Variants in CPS1 observed in about 807,000 individuals in gnomAD.
The protein encoded by CPS1 is carbamoyl-phosphate synthase 1, also known as carbamoyl-phosphate synthase [ammonia], mitochondrial.
A neutral mutation model predicts 174.6 loss-of-function variants in CPS1; 109 were observed. That is an observed-to-expected ratio of 0.62 (90% CI 0.53 to 0.73). The LOEUF (loss-of-function observed/expected upper bound fraction) is 0.73, where lower values mean the gene tolerates loss of function less well. Ranked by LOEUF, CPS1 falls within the 30% of genes least tolerant of loss-of-function variation. The pLI is 0.00. For missense variants in CPS1, 1,689 were observed against 1,821.9 expected (o/e 0.93, Z 1.33); for synonymous variants, 637 against 632.0 (o/e 1.01, Z -0.12).
Position 210,582,727 on chromosome 2 carries a change from A to G in CPS1, c.621+18A>G. 9 of 1,579,636 alleles carry G rather than the reference A, an allele frequency of 5.7e-6. No homozygotes were observed. Among genetic ancestry groups the G allele is most frequent in the Non-Finnish European group, 7.8e-6 (9 of 1,148,918 alleles). On this transcript the variant is annotated intron_variant, in intron 6 of 37. Coordinates refer to ENST00000233072, the MANE Select transcript of CPS1 (RefSeq NM_001875.5). ...CAACCAAGGTGAGGGGTTTTCCTTT[A>G]TATTTTGTAGTTTTATTTGATCCCA...
At chr2:210,645,012 T>C (rs1345531817) in intron 25 of CPS1, among the ~76,000 whole-genome samples, 1 of 152,232 alleles carries the variant, frequency 6.6e-6, no homozygotes, top group African/African-American at 2.4e-5. Flanking sequence ...TATTCAGGCC[T>C]GATGGCTATG....
intron 16 of CPS1, among the ~76,000 whole-genome samples, chr2:210,603,143 G>A (rs1162106738): frequency 4.0e-5 from 6 of 151,874 alleles, no homozygotes; most frequent in East Asian, 1.9e-4. Flanking sequence ...ATGATTACAC[G>A]TGCAGCCAAG....
In CPS1 at chr2:210,663,109, T is replaced by C; in HGVS notation, c.3928-14T>C. Reference sequence around the variant, plus strand: ...TCACATAATTTTTCTCCCTGTTTTTTTTTTTTCCAACAGGCTCCCATGTTT... The same window carrying C: ...TCACATAATTTTTCTCCCTGTTTTTCTTTTTTCCAACAGGCTCCCATGTTT... On this transcript the variant is annotated splice_polypyrimidine_tract_variant and intron_variant, in intron 32 of 37. Transcript: ENST00000233072. The C allele has an allele frequency of 6.2e-7, 1 of 1,613,758 alleles. No homozygotes were observed. Among genetic ancestry groups the C allele is most frequent in the Admixed American group, 1.7e-5 (1 of 60,010 alleles).
At chr2:210,591,696 C>T (rs1418307174) in intron 9 of CPS1, 135 bp from the exon 10 acceptor site, 1 of 899,250 alleles carries the variant, frequency 1.1e-6, no homozygotes, top group Non-Finnish European at 1.7e-6. Context: ...ACTTTTCTCA[C>T]AGAGTGATTT....
intron 1 of CPS1, among the ~76,000 whole-genome samples, chr2:210,530,543 C>G (rs1696090318): frequency 6.6e-6 from 1 of 152,054 alleles, no homozygotes; most frequent in African/African-American, 2.4e-5. Flanking sequence ...GTTTTCAACA[C>G]TGTAAACTCA....
In CPS1 at chr2:210,646,304, GT is replaced by G. The variant is rs1377481314; in HGVS notation, c.3142-1554del. 9.2e-5 allele frequency among the ~76,000 whole-genome samples: 14 copies of G among 151,948 alleles called. 1 individual carries two copies. Among genetic ancestry groups the G allele is most frequent in the Admixed American group, 9.2e-4 (14 of 15,252 alleles). On this transcript the variant is annotated intron_variant, in intron 25 of 37. Transcript: ENST00000233072. ...TTATAGCCAAGAGAGTATTTTAAAG[GT>G]TTTTGCAAAAATTTATATTGAACAT...
At chr2:210,630,112 A>T (rs2105886357) in intron 21 of CPS1, among the ~76,000 whole-genome samples, 1 of 151,382 alleles carries the variant, frequency 6.6e-6, no homozygotes, top group Non-Finnish European at 1.5e-5. Context: ...AAACAAAACC[A>T]TGAAAAAACA....
In CPS1 at chr2:210,486,574, G is replaced by A. The variant is rs564046934; in HGVS notation, c.3+8808G>A. 2.6e-5 allele frequency among the ~76,000 whole-genome samples: 4 copies of A among 152,226 alleles called. No homozygotes were observed. In the South Asian group the frequency reaches 8.3e-4, roughly 32 times the overall value. ...TGCCCAGGCTGGAGTGCAATGGTGCGATCGCGGCTTACCGCAACCTCCGCC... is the reference window on the plus strand; with the variant it reads ...TGCCCAGGCTGGAGTGCAATGGTGCAATCGCGGCTTACCGCAACCTCCGCC... On this transcript the variant is annotated intron_variant, in intron 1 of 38. Transcript: ENST00000430249.
intron 1 of CPS1, among the ~76,000 whole-genome samples, chr2:210,478,936 CCCTT>C (rs1559727493): frequency 2.8e-5 from 1 of 35,216 alleles, no homozygotes. Flanking sequence ...CTTCCCCCCT[CCCTT>C]CCCTCCCTCC....
intron 1 of CPS1, among the ~76,000 whole-genome samples, chr2:210,550,699 A>G (rs116266607): frequency 0.015 from 2,211 of 152,054 alleles, 27 homozygotes; most frequent in Non-Finnish European, 0.022. Context: ...CAAGTGGTGT[A>G]CATATTTATA....
At chr2:210,498,309 CA>C (rs1460248185) in intron 1 of CPS1, among the ~76,000 whole-genome samples, 2 of 151,988 alleles carry the variant, frequency 1.3e-5, no homozygotes, top group Admixed American at 6.6e-5. Flanking sequence ...TGGTTTGTGT[CA>C]TCTATTATTT....
chr2:210,650,846 T>G lies in CPS1; in HGVS notation c.3480+408T>G, dbSNP rs77284455. On this transcript the variant is annotated intron_variant, in intron 28 of 37. Coordinates refer to ENST00000233072, the MANE Select transcript of CPS1 (RefSeq NM_001875.5). ...CACCATTAACAAGTGAAAGCTTTCC[T>G]GATTTTTAATTTTCACATCTGGGAA... is the stretch of plus-strand genomic sequence containing the variant. Among the ~76,000 whole-genome samples the G allele has an allele frequency of 5.8e-3, 856 of 147,318 alleles. 7 individuals carry two copies. The highest frequency in any genetic ancestry group is 0.02 in the African/African-American group (817 of 40,004).
intron 1 of CPS1, among the ~76,000 whole-genome samples, chr2:210,478,248 C>G (rs1694459200): frequency 6.6e-6 from 1 of 152,182 alleles, no homozygotes; most frequent in African/African-American, 2.4e-5. Flanking sequence ...TCCAACATAT[C>G]AATTGTTTCT....
intron 37 of CPS1, 91 bp downstream of exon 37, chr2:210,677,227 T>C: frequency 7.9e-7 from 1 of 1,272,826 alleles, no homozygotes; most frequent in Non-Finnish European, 1.1e-6. Flanking sequence ...ATCTCTCTTT[T>C]CCCCTCTTTG....
At position 210,650,457 on chromosome 2, in the gene CPS1, G is replaced by A. The variant is rs1700525559; in HGVS notation, c.3480+19G>A. ...TTCTCAGGTAGTGTCCAATTTCTTT[G>A]TAGTGACTGTTATCTCTTAATAAAC... On this transcript the variant is annotated intron_variant, in intron 28 of 37. Coordinates refer to ENST00000233072, the MANE Select transcript of CPS1 (RefSeq NM_001875.5). 2 of 1,530,076 alleles carry A rather than the reference G, an allele frequency of 1.3e-6. No individual in the cohort carries two copies. The highest frequency in any genetic ancestry group is 1.7e-5 in the Admixed American group (1 of 59,798). 94.8% of individuals were successfully genotyped at this position (1,530,076 alleles called of 1,614,324 possible). A position where few individuals can be genotyped will look rare whatever the true frequency, so the allele number is the denominator to read the frequency against.
intron 21 of CPS1, among the ~76,000 whole-genome samples, chr2:210,632,933 G>A (rs1347804043): frequency 6.6e-6 from 1 of 152,080 alleles, no homozygotes; most frequent in African/African-American, 2.4e-5. Flanking sequence ...ATTGTATTCT[G>A]TTATTGATCT....
chr2:210,676,898 C>G, intron 36 of CPS1, 109 bp from the exon 37 acceptor site: 2 of 1,002,572 alleles, frequency 2.0e-6, no homozygotes, highest in Non-Finnish European at 3.1e-6. Flanking sequence ...TGGCAGTCAA[C>G]TCAGCATGGC....
intron 21 of CPS1, chr2:210,618,134 A>T (rs1699374573): frequency 6.6e-6 from 1 of 152,058 alleles, no homozygotes; most frequent in Non-Finnish European, 1.5e-5. Context: ...ATTGATAGTG[A>T]AAAAGGTCCT....
chr2:210,605,330 C>G, intron 17 of CPS1, 84 bp downstream of exon 17: 1 of 1,421,460 alleles, frequency 7.0e-7, no homozygotes, highest in Non-Finnish European at 9.9e-7. Flanking sequence ...AAGTTGTTGC[C>G]TTTAAATTAC....
Sources: allele counts gnomAD v4.1 joint callset (sites outside exome capture counted in the v4.1 genomes callset), GRCh38; gene constraint gnomAD v4.1.1; transcripts MANE v1.5; gene names NCBI Gene and HGNC (gene_info 2026-07-23, HGNC 2026-07-21).